Variants in RBFOX1 observed in about 807,000 individuals in gnomAD.
RBFOX1 encodes RNA binding protein fox-1 homolog 1.
A neutral mutation model predicts 57.7 loss-of-function variants in RBFOX1; 8 were observed. That is an observed-to-expected ratio of 0.14 (90% CI 0.08 to 0.25). The LOEUF (loss-of-function observed/expected upper bound fraction) is 0.25. RBFOX1 is among the 10% of genes least tolerant of loss of function. The pLI, the probability that RBFOX1 is intolerant of heterozygous loss-of-function variation, is 1.00. For synonymous variants in RBFOX1, 326 were observed against 222.4 expected (o/e 1.47, Z -4.15); for missense variants, 611 against 548.5 (o/e 1.11, Z -1.14).
intron 2 of RBFOX1, among the ~76,000 whole-genome samples, chr16:6,531,561 C>T (rs1406568709): frequency 6.6e-6 from 1 of 151,976 alleles, no homozygotes; most frequent in African/African-American, 2.4e-5. Flanking sequence ...TGGAAAATAC[C>T]TATTGTTTTA....
intron 3 of RBFOX1, among the ~76,000 whole-genome samples, chr16:6,716,990 A>G (rs867791208): frequency 6.6e-6 from 1 of 152,168 alleles, no homozygotes; most frequent in Admixed American, 6.5e-5. Flanking sequence ...CCCTTATAAG[A>G]AGAGACAGAA....
chr16:6,968,703 A>G lies in RBFOX1; in HGVS notation c.-15-83354A>G, dbSNP rs28611490. ...TGGCCTCCCATCGAGTACACATACTAACTCCTGTTCTCATGGCAGCTGGCC... is the reference window on the plus strand; with the variant it reads ...TGGCCTCCCATCGAGTACACATACTGACTCCTGTTCTCATGGCAGCTGGCC... On this transcript the variant is annotated intron_variant, in intron 3 of 15. Transcript: ENST00000550418. 8.4e-3 allele frequency among the ~76,000 whole-genome samples: 1,280 copies of G among 152,100 alleles called. 14 individuals are homozygous for G. Among genetic ancestry groups the G allele is most frequent in the African/African-American group, 0.029 (1,190 of 41,486 alleles).
intron 1 of RBFOX1, among the ~76,000 whole-genome samples, chr16:5,415,243 AG>A (rs1264585770): frequency 6.6e-6 from 1 of 152,120 alleles, no homozygotes; most frequent in East Asian, 1.9e-4. Flanking sequence ...GCAGAAGGTG[AG>A]GGGGAGGAAG....
chr16:6,636,462 A>G (rs943033796), intron 2 of RBFOX1, among the ~76,000 whole-genome samples: 1 of 151,866 alleles, frequency 6.6e-6, no homozygotes, highest in Non-Finnish European at 1.5e-5. Flanking sequence ...GAGCCACCGC[A>G]CCCGGCTGGA....
intron 3 of RBFOX1, among the ~76,000 whole-genome samples, chr16:5,736,120 C>T (rs1025780338): frequency 6.6e-6 from 1 of 152,160 alleles, no homozygotes; most frequent in African/African-American, 2.4e-5. Flanking sequence ...GCGATGATGA[C>T]GGCGGGAGGT....
At chr16:5,690,909 C>T (rs902447428) in intron 3 of RBFOX1, among the ~76,000 whole-genome samples, 2 of 152,092 alleles carry the variant, frequency 1.3e-5, no homozygotes, top group African/African-American at 4.8e-5. Flanking sequence ...GGGGGAACTG[C>T]TCATTCCCAG....
chr16:6,661,036 C>T (rs1397706672), intron 3 of RBFOX1, among the ~76,000 whole-genome samples: 1 of 152,148 alleles, frequency 6.6e-6, no homozygotes, highest in Non-Finnish European at 1.5e-5. Context: ...GTCCTATGTA[C>T]TGCAGCGACC....
intron 3 of RBFOX1, among the ~76,000 whole-genome samples, chr16:7,044,514 G>T (rs1390065857): frequency 1.3e-5 from 2 of 152,314 alleles, no homozygotes; most frequent in South Asian, 2.1e-4. Flanking sequence ...AACCGGGAGA[G>T]CAAAGGGTCT....
chr16:6,121,666 C>T (rs1450876672), intron 1 of RBFOX1, among the ~76,000 whole-genome samples: 3 of 152,172 alleles, frequency 2.0e-5, no homozygotes, highest in Non-Finnish European at 4.4e-5. Context: ...CTTAGTGTAG[C>T]ATGGTGGTTA....
At chr16:6,648,665 C>G (rs182224665) in intron 2 of RBFOX1, among the ~76,000 whole-genome samples, 2 of 152,232 alleles carry the variant, frequency 1.3e-5, no homozygotes, top group East Asian at 1.9e-4. Flanking sequence ...TAACTGAGGG[C>G]TCTTCCGTGC....
intron 4 of RBFOX1, among the ~76,000 whole-genome samples, chr16:7,265,985 T>C (rs920813865): frequency 7.1e-6 from 1 of 141,810 alleles, no homozygotes; most frequent in Non-Finnish European, 1.5e-5. Flanking sequence ...TTTTTTTTTT[T>C]TTTTTCTGAG....
At chr16:6,407,471 TAC>T (rs200359304) in intron 2 of RBFOX1, among the ~76,000 whole-genome samples, 35 of 151,926 alleles carry the variant, frequency 2.3e-4, no homozygotes, top group African/African-American at 7.5e-4. Context: ...TCTGTATTTA[TAC>T]ACACACACAT....
In RBFOX1 at chr16:7,330,602, T is replaced by C. The variant is rs185807843; in HGVS notation, c.28-187545T>C. Among the ~76,000 whole-genome samples the C allele has an allele frequency of 1.9e-3, 283 of 151,892 alleles. 1 individual carries two copies. The highest frequency in any genetic ancestry group is 6.2e-3 in the African/African-American group (258 of 41,424). On this transcript the variant is annotated intron_variant, in intron 4 of 15. Coordinates refer to ENST00000550418, the MANE Select transcript of RBFOX1 (RefSeq NM_018723.4). ...CTTCTCTGCAGTTTCCAGCTACCTC[T>C]TCCTCAAGTTTGCTTATTGAAGCAT... is the stretch of plus-strand genomic sequence containing the variant.
chr16:6,787,868 C>A (rs1005342555), intron 3 of RBFOX1, among the ~76,000 whole-genome samples: 5 of 152,118 alleles, frequency 3.3e-5, no homozygotes, highest in African/African-American at 1.2e-4. Context: ...AAGCGTAACT[C>A]GATACTATAG....
intron 1 of RBFOX1, among the ~76,000 whole-genome samples, chr16:6,107,554 A>G (rs986417206): frequency 5.9e-5 from 9 of 152,116 alleles, no homozygotes; most frequent in Admixed American, 2.6e-4. Flanking sequence ...TTCAGACAAC[A>G]TTAGTTCAAG....
intron 14 of RBFOX1, among the ~76,000 whole-genome samples, chr16:7,699,538 C>T (rs1598406240): frequency 6.6e-6 from 1 of 152,134 alleles, no homozygotes; most frequent in Admixed American, 6.5e-5. Flanking sequence ...ATAGGACTTG[C>T]TAAAGTTGTG....
chr16:6,597,868 G>T (rs2097792898), intron 2 of RBFOX1, among the ~76,000 whole-genome samples: 1 of 152,092 alleles, frequency 6.6e-6, no homozygotes, highest in Non-Finnish European at 1.5e-5. Flanking sequence ...AGCTGCCATG[G>T]CCATCTTGGC....
intron 2 of RBFOX1, among the ~76,000 whole-genome samples, chr16:6,560,174 CAAA>C (rs5815323): frequency 0.056 from 6,756 of 121,478 alleles, 516 homozygotes; most frequent in African/African-American, 0.18. Context: ...TGCCATTTAT[CAAA>C]AAAAAAAAAA....
chr16:7,217,105 C>A (rs933903534), intron 4 of RBFOX1, among the ~76,000 whole-genome samples: 1 of 142,686 alleles, frequency 7.0e-6, no homozygotes, highest in Non-Finnish European at 1.5e-5. Flanking sequence ...TCCTTCCCTT[C>A]CCTTTCCTTT....
Sources: gnomAD v4.1 joint callset for allele counts (sites outside exome capture counted in the v4.1 genomes callset) on GRCh38, gnomAD v4.1.1 for gene constraint, MANE v1.5 for transcripts, NCBI Gene and HGNC (gene_info 2026-07-23, HGNC 2026-07-21) for gene names.